The following ADCY2 variants were observed in gnomAD, a reference collection of about 807,000 sequenced individuals.
ADCY2 encodes adenylate cyclase 2.
A neutral mutation model predicts 125.2 loss-of-function variants in ADCY2; 31 were observed. The ratio of observed to expected loss-of-function variants is 0.25; its 90% CI spans 0.19 to 0.33. The LOEUF is 0.33. Ranked by LOEUF, ADCY2 falls within the 10% of genes least tolerant of loss-of-function variation. ADCY2 has a pLI of 1.00. For missense variants in ADCY2, 904 were observed against 1,418.2 expected (o/e 0.64, Z 5.82); for synonymous variants, 512 against 548.4 (o/e 0.93, Z 0.93).
intron 14 of ADCY2, among the ~76,000 whole-genome samples, chr5:7,743,101 A>G: frequency 6.6e-6 from 1 of 152,166 alleles, no homozygotes. Context: ...TCACATGATC[A>G]TGGGATGCTT....
intron 3 of ADCY2, among the ~76,000 whole-genome samples, chr5:7,540,093 A>G (rs1453325357): frequency 1.3e-5 from 2 of 152,212 alleles, no homozygotes; most frequent in African/African-American, 4.8e-5. Context: ...AAAACTGAAT[A>G]CCACGTGTTC....
At chr5:7,716,961 G>A (rs1309801461) in intron 11 of ADCY2, among the ~76,000 whole-genome samples, 196 bp from the exon 12 acceptor site, 1 of 152,118 alleles carries the variant, frequency 6.6e-6, no homozygotes, top group Non-Finnish European at 1.5e-5. Context: ...AATTTGAAAT[G>A]TTTCCAACAC....
At chr5:7,667,203 G>A (rs1482371241) in intron 4 of ADCY2, among the ~76,000 whole-genome samples, 3 of 152,098 alleles carry the variant, frequency 2.0e-5, no homozygotes, top group Non-Finnish European at 4.4e-5. Flanking sequence ...TCCTGATGAG[G>A]GAAAGTGCAA....
intron 3 of ADCY2, among the ~76,000 whole-genome samples, chr5:7,528,164 G>T (rs1407254283): frequency 1.3e-5 from 2 of 152,180 alleles, no homozygotes; most frequent in Non-Finnish European, 2.9e-5. Flanking sequence ...AAATAGGAAA[G>T]TGCCTAAGGT....
chr5:7,483,364 A>G (rs1247115941), intron 2 of ADCY2, among the ~76,000 whole-genome samples: 1 of 152,030 alleles, frequency 6.6e-6, no homozygotes, highest in African/African-American at 2.4e-5. Flanking sequence ...AGGTTAGGTA[A>G]TCCTTCAGAG....
intron 4 of ADCY2, among the ~76,000 whole-genome samples, chr5:7,649,550 G>C (rs994058708): frequency 1.3e-5 from 2 of 152,196 alleles, no homozygotes; most frequent in East Asian, 3.8e-4. Context: ...GTGCTTCAGA[G>C]GGAGAGGACT....
chr5:7,706,686 A>G (rs1741276985), intron 7 of ADCY2, 58 bp from the exon 8 acceptor site: 1 of 1,584,792 alleles, frequency 6.3e-7, no homozygotes, highest in African/African-American at 1.3e-5. Context: ...AAATTGGCCA[A>G]GAGTTAAAGG....
chr5:7,543,773 G>A (rs973675304), intron 3 of ADCY2, among the ~76,000 whole-genome samples: 2 of 151,990 alleles, frequency 1.3e-5, no homozygotes, highest in Non-Finnish European at 2.9e-5. Context: ...CAGCACTTTG[G>A]GAGGCCGAGG....
chr5:7,824,276 C>T (rs760527919), intron 24 of ADCY2, among the ~76,000 whole-genome samples: 3 of 152,112 alleles, frequency 2.0e-5, no homozygotes, highest in African/African-American at 2.4e-5. Context: ...AGCAACCCTG[C>T]GGCTTCTCCT....
At chr5:7,573,930 T>TC (rs1310482322) in intron 3 of ADCY2, among the ~76,000 whole-genome samples, 1 of 95,348 alleles carries the variant, frequency 1.0e-5, no homozygotes, top group African/African-American at 4.1e-5. Flanking sequence ...CCCACAACAG[T>TC]CCCCAGAGTG....
intron 1 of ADCY2, among the ~76,000 whole-genome samples, chr5:7,397,746 C>T (rs1336066795): frequency 2.0e-5 from 3 of 152,052 alleles, no homozygotes; most frequent in Non-Finnish European, 4.4e-5. Flanking sequence ...TAGCTGTCTA[C>T]TGATTGAGTT....
At chr5:7,720,659 T>C (rs911915528) in intron 12 of ADCY2, among the ~76,000 whole-genome samples, 3 of 152,094 alleles carry the variant, frequency 2.0e-5, no homozygotes, top group African/African-American at 7.2e-5. Context: ...TGGTTTTCTG[T>C]CCTTGTGATA....
At chr5:7,463,630 A>AG (rs1423246334) in intron 2 of ADCY2, among the ~76,000 whole-genome samples, 1 of 151,970 alleles carries the variant, frequency 6.6e-6, no homozygotes, top group East Asian at 1.9e-4. Flanking sequence ...AAAAAAAAAA[A>AG]AAAAAAAAGA....
chr5:7,470,049 GTTAAC>G (rs1192501456), intron 2 of ADCY2, among the ~76,000 whole-genome samples: 5 of 151,698 alleles, frequency 3.3e-5, no homozygotes, highest in African/African-American at 1.2e-4. Flanking sequence ...AATTGGCCAA[GTTAAC>G]TTTATTTATT....
chr5:7,754,904 C>G (rs1020135554), intron 15 of ADCY2, among the ~76,000 whole-genome samples: 1 of 151,930 alleles, frequency 6.6e-6, no homozygotes, highest in Non-Finnish European at 1.5e-5. Flanking sequence ...AACAAAAAAC[C>G]TTCTTCTACG....
chr5:7,526,301 A>G (rs375128338), intron 3 of ADCY2, among the ~76,000 whole-genome samples: 2 of 152,200 alleles, frequency 1.3e-5, no homozygotes, highest in East Asian at 3.9e-4. Flanking sequence ...AAGGAGAAGG[A>G]CAAGAAGAAA....
At chr5:7,646,339 A>C (rs1209269934) in intron 4 of ADCY2, among the ~76,000 whole-genome samples, 1 of 150,482 alleles carries the variant, frequency 6.6e-6, no homozygotes, top group Non-Finnish European at 1.5e-5. Context: ...AAATATATAT[A>C]TATATAGTAC....
intron 2 of ADCY2, among the ~76,000 whole-genome samples, chr5:7,432,226 T>G (rs1014148032): frequency 1.3e-5 from 2 of 151,834 alleles, no homozygotes; most frequent in South Asian, 4.2e-4. Flanking sequence ...CCACTTTCAT[T>G]GGCAATAAAA....
At chr5:7,732,850 A>T (rs1317557763) in intron 14 of ADCY2, among the ~76,000 whole-genome samples, 1 of 152,220 alleles carries the variant, frequency 6.6e-6, no homozygotes, top group African/African-American at 2.4e-5. Flanking sequence ...CATGATCCTT[A>T]TTCAGCCTAT....
Sources: allele counts gnomAD v4.1 joint callset (sites outside exome capture counted in the v4.1 genomes callset), GRCh38; gene constraint gnomAD v4.1.1; transcripts MANE v1.5; gene names NCBI Gene and HGNC (gene_info 2026-07-23, HGNC 2026-07-21).